The following ZNF428 variants were observed in gnomAD, a reference collection of about 807,000 sequenced individuals.
ZNF428 encodes the protein enzyme-like protein PIT13.
ZNF428 carries 5 observed loss-of-function variants against 15.6 expected under a neutral mutation model. The ratio of observed to expected loss-of-function variants is 0.32; its 90% CI spans 0.17 to 0.67. ZNF428 has a LOEUF of 0.67. Among genes scored for constraint, ZNF428 ranks in the 30% least tolerant of loss-of-function variants. The pLI, the probability that ZNF428 is intolerant of heterozygous loss-of-function variation, is 0.73. For synonymous variants in ZNF428, 97 were observed against 102.2 expected (o/e 0.95, Z 0.31); for missense variants, 237 against 256.0 (o/e 0.93, Z 0.51).
chr19:43,617,424 G>A (rs1482248263), intron 1 of ZNF428, among the ~76,000 whole-genome samples: 1 of 152,194 alleles, frequency 6.6e-6, no homozygotes, highest in African/African-American at 2.4e-5. Flanking sequence ...TCAAAGTCTG[G>A]ATGTCAAGTT....
Position 43,607,612 on chromosome 19 carries a change from T to A in ZNF428, c.*5A>T, listed in dbSNP as rs758600932. On this transcript the variant is annotated 3_prime_UTR_variant, in exon 3 of 3. Transcript: ENST00000300811. The surrounding 1 kb of genome is among the most constrained non-coding windows in gnomAD (Gnocchi z 5.1). ...TCTGCCAAGCTCCCCGTATGGGGGC[T>A]CTGCCTACACCTCACCCCGGGCATG... is the stretch of plus-strand genomic sequence containing the variant. The A allele has an allele frequency of 1.3e-6, 2 of 1,551,366 alleles. No homozygotes were observed. The highest frequency in any genetic ancestry group is 8.7e-7 in the Non-Finnish European group (1 of 1,145,560).
chr19:43,614,031 A>C (rs774460116), intron 2 of ZNF428, 198 bp downstream of exon 2: 4 of 1,551,946 alleles, frequency 2.6e-6, no homozygotes, highest in Non-Finnish European at 3.5e-6. Context: ...ACCTCTAGCA[A>C]GGAGAGCGAC....
intron 2 of ZNF428, among the ~76,000 whole-genome samples, chr19:43,611,618 C>A (rs985768647): frequency 2.0e-5 from 3 of 152,212 alleles, no homozygotes; most frequent in African/African-American, 7.2e-5. Flanking sequence ...CCGCGCCCAG[C>A]CTGACCCTTT....
chr19:43,613,509 G>T lies in ZNF428; in HGVS notation c.76+720C>A, dbSNP rs918489460. ...CCCAACAAGGCAAGAGATCATAGCC[G>T]ATCTAGAAGTCCCAACAAGGCGAGA... On this transcript the variant is annotated intron_variant, in intron 2 of 2. Transcript: ENST00000300811. 16 of 1,550,394 alleles carry T rather than the reference G, an allele frequency of 1.0e-5. No individual in the cohort carries two copies. In the African/African-American group the frequency reaches 1.1e-4, roughly 11 times the overall value.
chr19:43,610,406 G>A (rs1973283266), intron 2 of ZNF428, among the ~76,000 whole-genome samples: 1 of 151,758 alleles, frequency 6.6e-6, no homozygotes, highest in Admixed American at 6.6e-5. Context: ...CACCTTGTTG[G>A]CCAGGCTGGT....
chr19:43,608,162 C>T lies in ZNF428; in HGVS notation c.77-55G>A, dbSNP rs1309566253. ...GGTATCAGAGGAAAGAGGGCTAGGCCAAGCTGTCCCCTCCCTGAATCCCCA... is the reference window on the plus strand; with the variant it reads ...GGTATCAGAGGAAAGAGGGCTAGGCTAAGCTGTCCCCTCCCTGAATCCCCA... On this transcript the variant is annotated intron_variant, in intron 2 of 2. Coordinates refer to ENST00000300811, the MANE Select transcript of ZNF428 (RefSeq NM_182498.4). 3.2e-6 allele frequency: 5 copies of T among 1,558,014 alleles called. No individual in the cohort carries two copies. In the East Asian group the frequency reaches 6.7e-5, roughly 21 times the overall value.
At chr19:43,614,603 T>TA in intron 1 of ZNF428, 169 bp from the exon 2 acceptor site, 1 of 417,414 alleles carries the variant, frequency 2.4e-6, no homozygotes, top group Non-Finnish European at 3.8e-6. Flanking sequence ...CCTCTCTAGG[T>TA]CTTTTTTTTT....
chr19:43,614,121 C>A (rs778042025), intron 2 of ZNF428, 108 bp downstream of exon 2: 1 of 1,602,384 alleles, frequency 6.2e-7, no homozygotes, highest in African/African-American at 1.3e-5. Flanking sequence ...CAGAATAGAA[C>A]CCCTAGCAAG....
rs751468566 is a variant in ZNF428, at chr19:43,608,055, T to G, written c.129A>C (p.Glu43Asp). The change falls in exon 3 of 3, where the codon GAA becomes GAC. Residue 43 changes from glutamate to aspartate, a missense_variant. Coordinates refer to ENST00000300811, the MANE Select transcript of ZNF428 (RefSeq NM_182498.4). ...SEYTLSEPDSEEEEDEEEEEE... is the reference protein window; with the variant it reads ...SEYTLSEPDSDEEEDEEEEEE... ...CCTCCTCCTCCTCATCTTCTTCCTC[T>G]TCGGAGTCCGGCTCTGAGAGAGTGT... is the stretch of plus-strand genomic sequence containing the variant. 2 of 1,613,976 alleles carry G rather than the reference T, an allele frequency of 1.2e-6. No individual in the cohort carries two copies. The highest frequency in any genetic ancestry group is 2.2e-5 in the South Asian group (2 of 91,092).
intron 2 of ZNF428, among the ~76,000 whole-genome samples, chr19:43,609,422 G>A (rs1344839656): frequency 1.4e-5 from 2 of 148,002 alleles, no homozygotes; most frequent in South Asian, 4.2e-4. Context: ...ATATATTACT[G>A]TGATTTCACA....
At position 43,607,376 on chromosome 19, in the gene ZNF428, C is replaced by CACACACACACACACACACAA. The variant is rs1973248342; in HGVS notation, c.*221_*240dup. The CACACACACACACACACACAA allele has an allele frequency of 2.6e-6, 1 of 381,548 alleles. No homozygotes were observed. The highest frequency in any genetic ancestry group is 4.9e-5 in the East Asian group (1 of 20,252). The allele number at this position is 381,548 out of a possible 1,614,324, so 23.6% of individuals were successfully genotyped here. ...CAAGAAGGAGCCCAGGGGGAATACA[C>CACACACACACACACACACAA]ACACACACACACACACACAAACACA... On this transcript the variant is annotated 3_prime_UTR_variant, in exon 3 of 3. Transcript: ENST00000300811. This position sits in a 1 kb window ranked among gnomAD's most constrained non-coding sequence, Gnocchi z 5.1.
At chr19:43,609,661 G>A (rs1186001321) in intron 2 of ZNF428, among the ~76,000 whole-genome samples, 5 of 151,496 alleles carry the variant, frequency 3.3e-5, no homozygotes, top group East Asian at 3.9e-4. Flanking sequence ...AGAATTGCTC[G>A]AACCCGGGAG....
intron 2 of ZNF428, among the ~76,000 whole-genome samples, chr19:43,611,303 C>G (rs144288847): frequency 6.6e-6 from 1 of 151,664 alleles, no homozygotes; most frequent in Non-Finnish European, 1.5e-5. Flanking sequence ...CTCTGCTCCT[C>G]GCCCACCTGG....
intron 1 of ZNF428, among the ~76,000 whole-genome samples, chr19:43,616,115 C>CTGTAA (rs2146122977): frequency 6.6e-6 from 1 of 152,266 alleles, no homozygotes; most frequent in Admixed American, 6.5e-5. Context: ...TAACAAGAGA[C>CTGTAA]TGTAACAAAG....
rs746342997 is a variant in ZNF428 at position 43,612,039 on chromosome 19, A to G, written c.76+2190T>C. The stretch of plus-strand genomic sequence containing the variant: ...TTACTTCACACAGTTGGCCTGTGAC[A>G]GGCAATCAGGTCATCGTCCACGGCT... On this transcript the variant is annotated intron_variant, in intron 2 of 2. Coordinates refer to ENST00000300811, the MANE Select transcript of ZNF428 (RefSeq NM_182498.4). This position sits in a 1 kb window ranked among gnomAD's most constrained non-coding sequence, Gnocchi z 4.2. 4.7e-6 allele frequency: 5 copies of G among 1,057,228 alleles called. No homozygotes were observed. Among genetic ancestry groups the G allele is most frequent in the Non-Finnish European group, 4.2e-6 (3 of 713,626 alleles). The allele number at this position is 1,057,228 out of a possible 1,614,324, so 65.5% of individuals were successfully genotyped here.
intron 2 of ZNF428, among the ~76,000 whole-genome samples, chr19:43,610,150 G>C (rs1973280248): frequency 6.6e-6 from 1 of 151,610 alleles, no homozygotes; most frequent in African/African-American, 2.4e-5. Context: ...CCTTCTCAGT[G>C]ACGCCCTGGC....
At chr19:43,618,995 C>G (rs2146126411) in intron 1 of ZNF428, among the ~76,000 whole-genome samples, 1 of 152,236 alleles carries the variant, frequency 6.6e-6, no homozygotes, top group African/African-American at 2.4e-5. Context: ...CTATGGCAGC[C>G]AAACTGAAAG....
chr19:43,609,794 C>T (rs1490431691), intron 2 of ZNF428, among the ~76,000 whole-genome samples: 1 of 150,894 alleles, frequency 6.6e-6, no homozygotes, highest in East Asian at 1.9e-4. Context: ...CGGAAAAGGG[C>T]GACATCAGCT....
At chr19:43,617,779 A>G (rs1427355509) in intron 1 of ZNF428, among the ~76,000 whole-genome samples, 1 of 152,178 alleles carries the variant, frequency 6.6e-6, no homozygotes, top group Non-Finnish European at 1.5e-5. Flanking sequence ...TGGCTCAAAC[A>G]ATCCTCCTGC....
Sources: gnomAD v4.1 joint callset for allele counts (sites outside exome capture counted in the v4.1 genomes callset) on GRCh38, gnomAD v4.1.1 for gene constraint, Gnocchi (gnomAD v3.1) non-coding constraint, MANE v1.5 for transcripts, NCBI Gene and HGNC (gene_info 2026-07-23, HGNC 2026-07-21) for gene names.